The following PCDHGA11 variants were observed in gnomAD, a reference collection of about 807,000 sequenced individuals.
PCDHGA11 encodes protocadherin gamma subfamily A, 11, also known as protocadherin gamma-A11.
PCDHGA11 carries 39 observed loss-of-function variants against 60.4 expected under a neutral mutation model. The ratio of observed to expected loss-of-function variants is 0.65; its 90% CI spans 0.50 to 0.84. PCDHGA11 has a LOEUF of 0.84. PCDHGA11 is among the 40% of genes least tolerant of loss of function. PCDHGA11 has a pLI of 0.00. For missense variants in PCDHGA11, 1,165 were observed against 1,197.7 expected, an observed-to-expected ratio of 0.97 and a Z score of 0.40; for synonymous variants, 533 against 510.3, an observed-to-expected ratio of 1.04 and a Z score of -0.60.
At chr5:141,454,838 C>G (rs1472341694) in intron 1 of PCDHGA11, among the ~76,000 whole-genome samples, 1 of 100,816 alleles carries the variant, frequency 9.9e-6, no homozygotes, top group South Asian at 3.5e-4. Flanking sequence ...GACAGAGTCG[C>G]GCTCTGTCAC....
chr5:141,490,906 G>C lies in PCDHGA11; in HGVS notation c.2434-3901G>C. On this transcript the variant is annotated intron_variant, in intron 1 of 3. Transcript: ENST00000398587. The surrounding 1 kb of genome is among the most constrained non-coding windows in gnomAD (Gnocchi z 5.4). ...CACATCTCTGCATGTGTTTGTCCTA[G>C]ACGAGAATGATAATGCCCCAGCTGT... The C allele has an allele frequency of 1.9e-6, 3 of 1,613,798 alleles. No individual in the cohort carries two copies. The highest frequency in any genetic ancestry group is 2.5e-6 in the Non-Finnish European group (3 of 1,179,808).
intron 1 of PCDHGA11, among the ~76,000 whole-genome samples, chr5:141,480,400 G>A (rs1364147575): frequency 6.8e-6 from 1 of 146,550 alleles, no homozygotes; most frequent in Non-Finnish European, 1.5e-5. Context: ...TGGCAATAGA[G>A]TGAGACCCTG....
At chr5:141,438,487 G>T (rs1030201971) in intron 1 of PCDHGA11, among the ~76,000 whole-genome samples, 9 of 150,284 alleles carry the variant, frequency 6.0e-5, no homozygotes, top group African/African-American at 2.2e-4. Flanking sequence ...GTCTCTTGGA[G>T]AAAAAAGAAT....
chr5:141,432,196 C>G lies in PCDHGA11; in HGVS notation c.2433+8536C>G, dbSNP rs200790843. ...TCGTCTCTGTGACCGCCCACGACCC[C>G]GACTGTGAAGAGAACGCCCAGATCA... On this transcript the variant is annotated intron_variant, in intron 1 of 3. Transcript: ENST00000398587. The surrounding 1 kb of genome is among the most constrained non-coding windows in gnomAD (Gnocchi z 6.0). The G allele has an allele frequency of 6.2e-7, 1 of 1,614,192 alleles. No individual in the cohort carries two copies. Among genetic ancestry groups the G allele is most frequent in the East Asian group, 2.2e-5 (1 of 44,880 alleles).
At chr5:141,494,554 T>C (rs1270280236) in intron 1 of PCDHGA11, among the ~76,000 whole-genome samples, 1 of 152,178 alleles carries the variant, frequency 6.6e-6, no homozygotes, top group African/African-American at 2.4e-5. Flanking sequence ...GGGCCATTTC[T>C]TTAGGAAAGG....
Position 141,491,405 on chromosome 5 carries a change from A to C in PCDHGA11, c.2434-3402A>C. 6.2e-7 allele frequency: 1 copy of C among 1,614,096 alleles called. No individual in the cohort carries two copies. Among genetic ancestry groups the C allele is most frequent in the Non-Finnish European group, 8.5e-7 (1 of 1,179,998 alleles). On this transcript the variant is annotated intron_variant, in intron 1 of 3. Coordinates refer to ENST00000398587, the MANE Select transcript of PCDHGA11 (RefSeq NM_018914.3). This position sits in a 1 kb window ranked among gnomAD's most constrained non-coding sequence, Gnocchi z 6.9. ...GCGAAGTGCCTTCAGGGAAACGCAG[A>C]CGGGGACGGGGGTGGAGGGCAGTGC... is the stretch of plus-strand genomic sequence containing the variant.
chr5:141,487,593 C>G lies in PCDHGA11; in HGVS notation c.2434-7214C>G. The G allele has an allele frequency of 6.2e-7, 1 of 1,614,206 alleles. No homozygotes were observed. Among genetic ancestry groups the G allele is most frequent in the African/African-American group, 1.3e-5 (1 of 75,062 alleles). On this transcript the variant is annotated intron_variant, in intron 1 of 3. Coordinates refer to ENST00000398587, the MANE Select transcript of PCDHGA11 (RefSeq NM_018914.3). This position sits in a 1 kb window ranked among gnomAD's most constrained non-coding sequence, Gnocchi z 5.0. ...CCTGTTCGCCCAAGCTGCCCACCCT[C>G]TGATCTTCTCTATGGGCTAGAGGTG...
At chr5:141,461,394 G>A (rs2099014614) in intron 1 of PCDHGA11, among the ~76,000 whole-genome samples, 1 of 152,098 alleles carries the variant, frequency 6.6e-6, no homozygotes. Flanking sequence ...GATTAGCGAT[G>A]TTGAGCATTT....
chr5:141,487,616 G>A lies in PCDHGA11; in HGVS notation c.2434-7191G>A. On this transcript the variant is annotated intron_variant, in intron 1 of 3. Transcript: ENST00000398587. This position sits in a 1 kb window ranked among gnomAD's most constrained non-coding sequence, Gnocchi z 5.0. ...CTCTGATCTTCTCTATGGGCTAGAG[G>A]TGAGACCTTTGCAGGCTCAACAAAT... 2 of 1,614,220 alleles carry A rather than the reference G, an allele frequency of 1.2e-6. No homozygotes were observed. The highest frequency in any genetic ancestry group is 1.7e-6 in the Non-Finnish European group (2 of 1,180,044).
rs751276470 is a variant in PCDHGA11, at chr5:141,431,560, C to A, written c.2433+7900C>A. 6.2e-7 allele frequency: 1 copy of A among 1,614,104 alleles called. No individual in the cohort carries two copies. On this transcript the variant is annotated intron_variant, in intron 1 of 3. Coordinates refer to ENST00000398587, the MANE Select transcript of PCDHGA11 (RefSeq NM_018914.3). This position sits in a 1 kb window ranked among gnomAD's most constrained non-coding sequence, Gnocchi z 4.8. ...CGCAGCTGCTTGTAGTCAACGCTAC[C>A]GACCCTGACGAAGGAGTCAATGCGG...
chr5:141,444,013 C>T (rs1226458485), intron 1 of PCDHGA11, among the ~76,000 whole-genome samples: 2 of 152,060 alleles, frequency 1.3e-5, no homozygotes, highest in Admixed American at 6.6e-5. Flanking sequence ...TGGGTATTGG[C>T]TTCTAAAAGG....
At chr5:141,430,575 A>G in intron 1 of PCDHGA11, 2 of 455,822 alleles carry the variant, frequency 4.4e-6, no homozygotes, top group East Asian at 3.5e-5. Flanking sequence ...AAAAGCGGAG[A>G]TCCTGCTCGC....
At chr5:141,504,065 G>C (rs1291060280) in intron 2 of PCDHGA11, among the ~76,000 whole-genome samples, 2 of 152,060 alleles carry the variant, frequency 1.3e-5, no homozygotes, top group African/African-American at 2.4e-5. Context: ...AAACTTCTCT[G>C]AGCCAGATGG....
chr5:141,427,991 C>T (rs748924488), intron 1 of PCDHGA11: 1 of 1,599,024 alleles, frequency 6.3e-7, no homozygotes, highest in Non-Finnish European at 8.6e-7. Context: ...GGCCCGATGG[C>T]TCCGCACTCT....
Position 141,487,295 on chromosome 5 carries a change from T to C in PCDHGA11, c.2434-7512T>C, listed in dbSNP as rs2099642474. The C allele has an allele frequency of 5.6e-6, 9 of 1,614,164 alleles. No individual in the cohort carries two copies. In the East Asian group the frequency reaches 1.3e-4, roughly 24 times the overall value. ...AATTTGCTTTGTCTCCTTTGGCTCA[T>C]TCGTGGCACTACTCTCTAAGTGTCT... On this transcript the variant is annotated intron_variant, in intron 1 of 3. Transcript: ENST00000398587. This position sits in a 1 kb window ranked among gnomAD's most constrained non-coding sequence, Gnocchi z 5.0.
intron 1 of PCDHGA11, chr5:141,428,863 T>C (rs1160939898): frequency 6.7e-6 from 1 of 149,182 alleles, no homozygotes; most frequent in African/African-American, 2.4e-5. Context: ...CGGGAGACTT[T>C]TTTTTTTTTT....
In PCDHGA11 at chr5:141,421,530, C is replaced by A; in HGVS notation, c.303C>A (p.Ser101=). ...GGGAGGAGCTCTGTGAGACGGTGTC[C>A]TCCTGTTTTTTAAATATGGAACTTC... ...IDREELCETV[S]SCFLNMELLV... The change falls in exon 1 of 4, where the codon TCC becomes TCA. Residue 101 remains serine (S), a synonymous_variant. Transcript: ENST00000398587. 6.2e-7 allele frequency: 1 copy of A among 1,614,040 alleles called. No individual in the cohort carries two copies. The highest frequency in any genetic ancestry group is 8.5e-7 in the Non-Finnish European group (1 of 1,179,892).
At chr5:141,466,528 T>C (rs1171715691) in intron 1 of PCDHGA11, among the ~76,000 whole-genome samples, 1 of 152,204 alleles carries the variant, frequency 6.6e-6, no homozygotes, top group African/African-American at 2.4e-5. Context: ...TCCTCCCAAA[T>C]TGATGTAGAT....
At chr5:141,442,049 C>A in intron 1 of PCDHGA11, 2 of 202,550 alleles carry the variant, frequency 9.9e-6, no homozygotes, top group South Asian at 1.3e-4. Flanking sequence ...GCCTACTGGT[C>A]GCGGTGCACT....
Sources: allele counts gnomAD v4.1 joint callset (sites outside exome capture counted in the v4.1 genomes callset), GRCh38; gene constraint gnomAD v4.1.1; non-coding constraint Gnocchi (gnomAD v3.1); transcripts MANE v1.5; gene names NCBI Gene and HGNC (gene_info 2026-07-23, HGNC 2026-07-21).